The following NAV2 variants were observed in gnomAD, a reference collection of about 807,000 sequenced individuals.
NAV2 encodes the protein neuron navigator 2.
In NAV2, 54 loss-of-function variants were observed where a neutral mutation model predicts 223.2. That is an observed-to-expected ratio of 0.24 (90% confidence interval 0.19 to 0.30). The LOEUF (loss-of-function observed/expected upper bound fraction) is 0.30, where lower values mean the gene tolerates loss of function less well. Ranked by LOEUF, NAV2 falls within the 10% of genes least tolerant of loss-of-function variation. The pLI is 1.00. For synonymous variants in NAV2, 1,279 were observed against 1,239.3 expected, an observed-to-expected ratio of 1.03 and a Z score of -0.67; for missense variants, 2,806 against 3,147.5, an observed-to-expected ratio of 0.89 and a Z score of 2.60.
intron 1 of NAV2, among the ~76,000 whole-genome samples, chr11:19,696,775 A>C (rs1196833984): frequency 6.6e-6 from 1 of 152,236 alleles, no homozygotes; most frequent in Non-Finnish European, 1.5e-5. Flanking sequence ...CAAGGACTTT[A>C]AGCACAAAAA....
intron 1 of NAV2, among the ~76,000 whole-genome samples, chr11:19,721,668 G>A (rs2050759363): frequency 6.6e-6 from 1 of 152,214 alleles, no homozygotes; most frequent in Non-Finnish European, 1.5e-5. Context: ...GTAGCTCCTG[G>A]ATGAGGAAAA....
rs75025895 is a variant in NAV2, at chr11:19,776,915, A to C, written c.268-55569A>C. On this transcript the variant is annotated intron_variant, in intron 1 of 37. Transcript: ENST00000349880. The stretch of plus-strand genomic sequence containing the variant: ...CCTCACCCCTACCCATCTTCTGCCC[A>C]AGGCTCTCCCTACTACCCACGCCCT... Among the ~76,000 whole-genome samples, 400 of 151,922 alleles carry C rather than the reference A, an allele frequency of 2.6e-3. 1 individual carries two copies. Among genetic ancestry groups the C allele is most frequent in the African/African-American group, 9.3e-3 (387 of 41,434 alleles).
intron 1 of NAV2, among the ~76,000 whole-genome samples, chr11:19,357,930 C>T (rs1206812340): frequency 6.6e-6 from 1 of 152,136 alleles, no homozygotes; most frequent in Non-Finnish European, 1.5e-5. Context: ...TATTGAATTT[C>T]ATTTGATCCA....
intron 1 of NAV2, among the ~76,000 whole-genome samples, chr11:19,796,133 C>A (rs999542649): frequency 1.3e-5 from 2 of 152,140 alleles, no homozygotes; most frequent in Non-Finnish European, 2.9e-5. Flanking sequence ...GAACTAGGAA[C>A]CATTCTTGGT....
At chr11:19,584,879 T>A (rs2045842970) in intron 1 of NAV2, among the ~76,000 whole-genome samples, 1 of 152,250 alleles carries the variant, frequency 6.6e-6, no homozygotes, top group Non-Finnish European at 1.5e-5. Flanking sequence ...GAGAGTTCTG[T>A]AGATGTCTAT....
At chr11:20,104,544 T>C (rs577875740) in intron 34 of NAV2, 10 of 152,482 alleles carry the variant, frequency 6.6e-5, no homozygotes, top group African/African-American at 2.4e-4. Flanking sequence ...GCATTTAGGC[T>C]GTCCTGGTCT....
chr11:20,004,224 G>A (rs1409814238), intron 11 of NAV2, among the ~76,000 whole-genome samples: 1 of 152,180 alleles, frequency 6.6e-6, no homozygotes, highest in East Asian at 1.9e-4. Flanking sequence ...TTGCTATTTT[G>A]TATGTTCACC....
intron 1 of NAV2, among the ~76,000 whole-genome samples, chr11:19,630,684 T>A (rs2135488123): frequency 6.6e-6 from 1 of 152,188 alleles, no homozygotes; most frequent in South Asian, 2.1e-4. Flanking sequence ...CTCAGGAGTT[T>A]AAGACCAGCC....
intron 11 of NAV2, among the ~76,000 whole-genome samples, chr11:20,035,276 G>C (rs2056236289): frequency 6.6e-6 from 1 of 152,140 alleles, no homozygotes; most frequent in Non-Finnish European, 1.5e-5. Flanking sequence ...ATTAAACGTG[G>C]TGGTGGTATT....
At chr11:19,734,233 T>C (rs1278002282) in intron 1 of NAV2, among the ~76,000 whole-genome samples, 1 of 152,232 alleles carries the variant, frequency 6.6e-6, no homozygotes, top group African/African-American at 2.4e-5. Flanking sequence ...GGTGAAGTTA[T>C]GACCTGACTA....
Position 19,458,787 on chromosome 11 carries a change from C to T in NAV2, c.75+107760C>T, listed in dbSNP as rs761855850. ...TGTGCTAGCATGGGGTGCCCCTTGGCCCCTCATACCACCTTTCTAGTCATA... is the reference window on the plus strand; with the variant it reads ...TGTGCTAGCATGGGGTGCCCCTTGGTCCCTCATACCACCTTTCTAGTCATA... On this transcript the variant is annotated intron_variant, in intron 1 of 37. Coordinates refer to the NAV2 transcript ENST00000360655. Among the ~76,000 whole-genome samples, 43 of 152,232 alleles carry T rather than the reference C, an allele frequency of 2.8e-4. 1 individual carries two copies. The highest frequency in any genetic ancestry group is 9.9e-4 in the African/African-American group (41 of 41,454).
rs1370041675 is a variant in NAV2, at chr11:19,998,023, C to A, written c.2768+13776C>A. On this transcript the variant is annotated intron_variant, in intron 11 of 37. Transcript: ENST00000349880. This position sits in a 1 kb window ranked among gnomAD's most constrained non-coding sequence, Gnocchi z 5.0. ...ATAAGCTCCTAGGTATGGTCTCCCC[C>A]AAGACTGAGAGGAAGGAAGCAGAAC... Among the ~76,000 whole-genome samples the A allele has an allele frequency of 6.6e-6, 1 of 152,116 alleles. No individual in the cohort carries two copies. Among genetic ancestry groups the A allele is most frequent in the Non-Finnish European group, 1.5e-5 (1 of 68,014 alleles).
chr11:19,741,732 AATTT>A (rs142189046), intron 1 of NAV2, among the ~76,000 whole-genome samples: 4,524 of 131,276 alleles, frequency 0.034, 259 homozygotes, highest in African/African-American at 0.12. Context: ...TATATATCAC[AATTT>A]ATTTATCCAT....
chr11:19,777,054 C>T (rs567573591), intron 1 of NAV2, among the ~76,000 whole-genome samples: 4 of 151,574 alleles, frequency 2.6e-5, no homozygotes, highest in Non-Finnish European at 5.9e-5. Context: ...CGGGGCGGCC[C>T]GCGGGCCAGC....
At chr11:19,552,469 C>T (rs536174126) in intron 1 of NAV2, among the ~76,000 whole-genome samples, 206 of 152,222 alleles carry the variant, frequency 1.4e-3, no homozygotes, top group African/African-American at 4.8e-3. Flanking sequence ...CCTGTGGCCA[C>T]GGGCACAGGA....
intron 1 of NAV2, among the ~76,000 whole-genome samples, chr11:19,795,134 C>T (rs2057795819): frequency 6.6e-6 from 1 of 152,164 alleles, no homozygotes; most frequent in South Asian, 2.1e-4. Context: ...CTCTTTCTAA[C>T]AGTTTTCCTG....
chr11:19,467,675 C>G (rs776434982), intron 1 of NAV2, among the ~76,000 whole-genome samples: 1 of 152,120 alleles, frequency 6.6e-6, no homozygotes, highest in African/African-American at 2.4e-5. Context: ...AGATCTGGGG[C>G]GAATCAGAAT....
intron 1 of NAV2, among the ~76,000 whole-genome samples, chr11:19,412,896 G>A (rs1043185234): frequency 5.9e-5 from 9 of 152,122 alleles, no homozygotes; most frequent in Admixed American, 2.6e-4. Context: ...CAAAAAGGAT[G>A]TCCACACAAA....
intron 1 of NAV2, among the ~76,000 whole-genome samples, chr11:19,433,168 G>A (rs1851094866): frequency 6.6e-6 from 1 of 152,162 alleles, no homozygotes; most frequent in South Asian, 2.1e-4. Context: ...TGTAGAGATG[G>A]CACTATATTT....
Sources: allele counts gnomAD v4.1 joint callset (sites outside exome capture counted in the v4.1 genomes callset), GRCh38; gene constraint gnomAD v4.1.1; non-coding constraint Gnocchi (gnomAD v3.1); transcripts MANE v1.5; gene names NCBI Gene and HGNC (gene_info 2026-07-23, HGNC 2026-07-21).